SLC7A1: variants seen among roughly 807,000 people sequenced by gnomAD.
The protein encoded by SLC7A1 is solute carrier family 7 member 1, also known as high affinity cationic amino acid transporter 1.
In SLC7A1, 10 loss-of-function variants were observed where a neutral mutation model predicts 53.9. The observed-to-expected ratio is 0.19, with a 90% confidence interval of 0.11 to 0.31. The LOEUF is 0.31. SLC7A1 is among the 10% of genes least tolerant of loss of function. SLC7A1 has a pLI of 1.00. For missense variants in SLC7A1, 525 were observed against 827.2 expected (o/e 0.63, Z 4.48); for synonymous variants, 342 against 338.7 (o/e 1.01, Z -0.11).
At chr13:29,571,156 A>G (rs1157309888) in intron 1 of SLC7A1, among the ~76,000 whole-genome samples, 1 of 152,238 alleles carries the variant, frequency 6.6e-6, no homozygotes, top group Non-Finnish European at 1.5e-5. Flanking sequence ...TTTTGCCATT[A>G]AAATAGCAAA....
At chr13:29,546,153 C>A (rs887827068) in intron 2 of SLC7A1, among the ~76,000 whole-genome samples, 7 of 152,202 alleles carry the variant, frequency 4.6e-5, no homozygotes, top group Admixed American at 1.3e-4. Context: ...GGGAGACTCT[C>A]CACTGCCTCG....
intron 1 of SLC7A1, among the ~76,000 whole-genome samples, chr13:29,574,774 A>G (rs1329122707): frequency 1.3e-5 from 2 of 150,768 alleles, no homozygotes; most frequent in Admixed American, 6.6e-5. Flanking sequence ...CCTCCCAAGT[A>G]GCTGGGACTA....
intron 2 of SLC7A1, among the ~76,000 whole-genome samples, chr13:29,543,125 C>CG: frequency 6.6e-6 from 1 of 152,124 alleles, no homozygotes; most frequent in African/African-American, 2.4e-5. Context: ...GGTGGGGTTG[C>CG]GGGGGGTGCG....
intron 1 of SLC7A1, among the ~76,000 whole-genome samples, chr13:29,557,433 C>G (rs568633540): frequency 6.6e-6 from 1 of 152,128 alleles, no homozygotes; most frequent in African/African-American, 2.4e-5. Flanking sequence ...CTACTGCACA[C>G]CTAGGCTGCA....
chr13:29,562,238 G>A (rs1363042672), intron 1 of SLC7A1, among the ~76,000 whole-genome samples: 1 of 152,140 alleles, frequency 6.6e-6, no homozygotes, highest in Non-Finnish European at 1.5e-5. Context: ...TCGTCTCCAC[G>A]TGAGAATGTC....
intron 2 of SLC7A1, among the ~76,000 whole-genome samples, chr13:29,539,609 A>G (rs1015051176): frequency 6.6e-6 from 1 of 152,192 alleles, no homozygotes; most frequent in Non-Finnish European, 1.5e-5. Context: ...TTTCCCCTGA[A>G]TAGGTACGCA....
At chr13:29,537,310 T>G (rs1869465663) in intron 2 of SLC7A1, among the ~76,000 whole-genome samples, 1 of 152,210 alleles carries the variant, frequency 6.6e-6, no homozygotes, top group Non-Finnish European at 1.5e-5. Flanking sequence ...CTCCACAGTC[T>G]TTCCCCCAAA....
chr13:29,517,138 G>A lies in SLC7A1; in HGVS notation c.1677+6C>T. 1 of 1,592,988 alleles carries A rather than the reference G, an allele frequency of 6.3e-7. No individual in the cohort carries two copies. Among genetic ancestry groups the A allele is most frequent in the South Asian group, 1.1e-5 (1 of 88,044 alleles). ...CAGGGTTCCTTCCCTAGGCCGAGCT[G>A]CTCACCTTAAATGAGAGCTTGGTCT... On this transcript the variant is annotated splice_donor_region_variant and intron_variant, in intron 11 of 12. Coordinates refer to ENST00000380752, the MANE Select transcript of SLC7A1 (RefSeq NM_003045.5).
chr13:29,524,288 C>T (rs758875662), intron 5 of SLC7A1, 35 bp from the exon 6 acceptor site: 20 of 1,613,402 alleles, frequency 1.2e-5, no homozygotes, highest in Middle Eastern at 1.6e-4. Context: ...TGTCACGTCA[C>T]TCGCTGCGCA....
At chr13:29,532,758 C>G (rs772624022) in intron 4 of SLC7A1, 66 bp downstream of exon 4, 1 of 1,408,746 alleles carries the variant, frequency 7.1e-7, no homozygotes, top group Non-Finnish European at 9.7e-7. Flanking sequence ...AGGAACTTAA[C>G]AGGAGCCTCT....
chr13:29,568,258 G>C (rs1490415202), intron 1 of SLC7A1, among the ~76,000 whole-genome samples: 2 of 152,154 alleles, frequency 1.3e-5, no homozygotes, highest in Admixed American at 1.3e-4. Context: ...GCTCTGTGTG[G>C]TATGGACACT....
At chr13:29,587,806 G>A (rs570860685) in intron 1 of SLC7A1, among the ~76,000 whole-genome samples, 86 of 152,314 alleles carry the variant, frequency 5.6e-4, no homozygotes, top group African/African-American at 1.8e-3. Flanking sequence ...ATGAAAGACC[G>A]TCAGCTCCAG....
chr13:29,548,343 C>A (rs1870014834), intron 2 of SLC7A1, among the ~76,000 whole-genome samples: 1 of 152,190 alleles, frequency 6.6e-6, no homozygotes, highest in Non-Finnish European at 1.5e-5. Context: ...TGCGGTTCAC[C>A]CCTTCCTTAC....
In SLC7A1 at chr13:29,511,796, G is replaced by A. The variant is rs1274342083; in HGVS notation, c.*2684C>T. 1.3e-5 allele frequency: 2 copies of A among 152,202 alleles called. No homozygotes were observed. The highest frequency in any genetic ancestry group is 6.5e-5 in the Admixed American group (1 of 15,276). The allele number at this position is 152,202 out of a possible 1,614,324, so 9.4% of individuals were successfully genotyped here. A position where few individuals can be genotyped will look rare whatever the true frequency, so the allele number is the denominator to read the frequency against. On this transcript the variant is annotated 3_prime_UTR_variant, in exon 13 of 13. Coordinates refer to ENST00000380752, the MANE Select transcript of SLC7A1 (RefSeq NM_003045.5). ...GAAGGGATGTTTACCCATCACAAAT[G>A]GGTCTTTCCAATGTGGGTATTTGTG...
chr13:29,550,056 G>A (rs559567106), intron 2 of SLC7A1, among the ~76,000 whole-genome samples: 1 of 152,292 alleles, frequency 6.6e-6, no homozygotes, highest in South Asian at 2.1e-4. Context: ...CACTGCCACA[G>A]AAAAACCTAC....
chr13:29,594,176 G>A (rs1340623541), intron 1 of SLC7A1, among the ~76,000 whole-genome samples: 1 of 152,230 alleles, frequency 6.6e-6, no homozygotes, highest in African/African-American at 2.4e-5. Context: ...AAAAATCCCA[G>A]ATAAATTATA....
intron 1 of SLC7A1, among the ~76,000 whole-genome samples, chr13:29,561,919 TC>T (rs2139152775): frequency 6.6e-6 from 1 of 152,314 alleles, no homozygotes; most frequent in African/African-American, 2.4e-5. Flanking sequence ...AACGGGGGCA[TC>T]CCCTCTGTCC....
intron 2 of SLC7A1, among the ~76,000 whole-genome samples, chr13:29,542,717 A>G (rs1356136428): frequency 2.0e-5 from 3 of 151,334 alleles, no homozygotes; most frequent in Non-Finnish European, 4.4e-5. Flanking sequence ...CTCCACGACC[A>G]TAAGAAAATT....
intron 1 of SLC7A1, among the ~76,000 whole-genome samples, chr13:29,564,455 A>T (rs117134719): frequency 0.017 from 2,556 of 152,334 alleles, 44 homozygotes; most frequent in Non-Finnish European, 0.025. Context: ...AGGTTCTATG[A>T]AGCGGAATCT....
Sources: allele counts gnomAD v4.1 joint callset (sites outside exome capture counted in the v4.1 genomes callset), GRCh38; gene constraint gnomAD v4.1.1; transcripts MANE v1.5; gene names NCBI Gene and HGNC (gene_info 2026-07-23, HGNC 2026-07-21).